The following CIB1 variants were observed in gnomAD, a reference collection of about 807,000 sequenced individuals.
CIB1 encodes the protein calcium and integrin binding 1.
A neutral mutation model predicts 25.0 loss-of-function variants in CIB1; 19 were observed. The ratio of observed to expected loss-of-function variants is 0.76; its 90% CI spans 0.53 to 1.12. The LOEUF (loss-of-function observed/expected upper bound fraction) is 1.12, where lower values mean the gene tolerates loss of function less well. Ranked by LOEUF, CIB1 falls within the 50% of genes most tolerant of loss-of-function variation. The pLI is 0.00. For synonymous variants in CIB1, 104 were observed against 98.5 expected (o/e 1.06, Z -0.33); for missense variants, 236 against 242.6 (o/e 0.97, Z 0.18).
chr15:90,258,483 G>C, the CIB1 span: 1 of 621,746 alleles, frequency 1.6e-6, no homozygotes, highest in Non-Finnish European at 2.8e-6. Flanking sequence ...TAGGAATGCA[G>C]GTTTGGGATC....
the CIB1 span, chr15:90,263,356 C>T: frequency 6.9e-4 from 367 of 531,522 alleles, 1 homozygote; most frequent in African/African-American, 6.6e-3. Flanking sequence ...TGACATCCAG[C>T]AAGTTGCAGC....
chr15:90,262,389 G>T, the CIB1 span: 1 of 1,299,448 alleles, frequency 7.7e-7, no homozygotes, highest in South Asian at 1.6e-5. Context: ...TCAGTCCTAA[G>T]AACAGATTGT....
At chr15:90,258,878 C>T in the CIB1 span, 20 of 1,613,996 alleles carry the variant, frequency 1.2e-5, no homozygotes, top group Non-Finnish European at 1.5e-5. Flanking sequence ...GGATAAGCGG[C>T]GAGTCAAGGA....
At chr15:90,241,488 C>A in the CIB1 span, 1 of 1,613,768 alleles carries the variant, frequency 6.2e-7, no homozygotes. Context: ...TGAGGCTGTG[C>A]TGCTGAGCTT....
the CIB1 span, chr15:90,242,128 C>T: frequency 1.5e-6 from 2 of 1,374,196 alleles, no homozygotes; most frequent in Non-Finnish European, 2.0e-6. Context: ...TCACTCTGTC[C>T]CCAGGCTAGA....
chr15:90,239,305 A>ATGTGTGTGTGTG, the CIB1 span, among the ~76,000 whole-genome samples: 5,926 of 147,886 alleles, frequency 0.04, 151 homozygotes, highest in African/African-American at 0.068. Flanking sequence ...GAGACATAAA[A>ATGTGTGTGTGTG]TGTGTGTGTG....
the CIB1 span, chr15:90,263,064 C>A: frequency 6.5e-7 from 1 of 1,536,124 alleles, no homozygotes; most frequent in Non-Finnish European, 8.7e-7. Flanking sequence ...AGACTCTCAT[C>A]CGAAGCCTGG....
At chr15:90,257,259 T>C in the CIB1 span, 15 of 1,613,086 alleles carry the variant, frequency 9.3e-6, no homozygotes, top group East Asian at 4.5e-5. Flanking sequence ...ACGCCCTATA[T>C]GGAGCCCAGC....
upstream of CIB1, chr15:90,234,162 G>A (rs944759352): frequency 2.9e-5 from 7 of 237,590 alleles, no homozygotes; most frequent in Non-Finnish European, 2.7e-5. Context: ...CCGCCTCCGG[G>A]GTGGGAGGGG....
At chr15:90,256,602 T>C in the CIB1 span, among the ~76,000 whole-genome samples, 105 of 29,120 alleles carry the variant, frequency 3.6e-3, 4 homozygotes, top group South Asian at 0.019. Context: ...TCTTTCTTTC[T>C]TTCTTTCCTT....
intron 2 of CIB1, 145 bp from the exon 3 acceptor site, chr15:90,232,472 A>G: frequency 7.4e-7 from 1 of 1,345,556 alleles, no homozygotes; most frequent in Non-Finnish European, 9.8e-7. Context: ...GGCAACGGTA[A>G]GCAAAAGGAC....
chr15:90,252,553 G>A, the CIB1 span, among the ~76,000 whole-genome samples: 1 of 152,070 alleles, frequency 6.6e-6, no homozygotes, highest in Non-Finnish European at 1.5e-5. Context: ...GGACTTCAAC[G>A]ATTAAGAAAA....
At chr15:90,231,755 G>GT (rs1055990785) in intron 3 of CIB1, among the ~76,000 whole-genome samples, 7 of 152,004 alleles carry the variant, frequency 4.6e-5, no homozygotes, top group Admixed American at 2.6e-4. Context: ...CACATACAAC[G>GT]TAAGTGTGGG....
the CIB1 span, chr15:90,264,831 C>G: frequency 1.3e-6 from 2 of 1,536,096 alleles, no homozygotes; most frequent in Non-Finnish European, 1.7e-6. Context: ...AGAGTGGCAT[C>G]TGACTCATGG....
chr15:90,258,386 T>A, the CIB1 span: 1 of 896,502 alleles, frequency 1.1e-6, no homozygotes, highest in Non-Finnish European at 1.8e-6. Flanking sequence ...GTGAAAGCCC[T>A]GGGGTGGGCA....
chr15:90,262,105 C>G, the CIB1 span: 5 of 1,536,094 alleles, frequency 3.3e-6, no homozygotes, highest in Non-Finnish European at 4.4e-6. Context: ...CTGGGCCTGA[C>G]ACAGAGAAGT....
chr15:90,256,629 CCTTCCTTCCTT>C, the CIB1 span, among the ~76,000 whole-genome samples: 253 of 69,278 alleles, frequency 3.7e-3, 4 homozygotes, highest in African/African-American at 0.013. Flanking sequence ...TTCCTTCCTT[CCTTCCTTCCTT>C]CTTTCTTTCT....
At position 90,230,258 on chromosome 15, in the gene CIB1, C is replaced by A. The variant is rs1305065995; in HGVS notation, c.*226G>T. ...TCATGTCACACATAGGGTCAAACTTCTAAACCTTTATTACTGATTAGTACA... is the reference window on the plus strand; with the variant it reads ...TCATGTCACACATAGGGTCAAACTTATAAACCTTTATTACTGATTAGTACA... On this transcript the variant is annotated 3_prime_UTR_variant, in exon 7 of 7. Transcript: ENST00000328649. The A allele has an allele frequency of 3.4e-6, 2 of 596,388 alleles. No individual in the cohort carries two copies. Among genetic ancestry groups the A allele is most frequent in the Admixed American group, 6.1e-5 (2 of 32,932 alleles). The allele number at this position is 596,388 out of a possible 1,614,324, so 36.9% of individuals were successfully genotyped here.
intron 2 of CIB1, chr15:90,232,546 A>T (rs1038726938): frequency 1.7e-6 from 1 of 580,970 alleles, no homozygotes; most frequent in African/African-American, 1.9e-5. Context: ...AGCATTTACT[A>T]TGTGCTTGGC....
Sources: gnomAD v4.1 joint callset for allele counts (sites outside exome capture counted in the v4.1 genomes callset) on GRCh38, gnomAD v4.1.1 for gene constraint, MANE v1.5 for transcripts, NCBI Gene and HGNC (gene_info 2026-07-23, HGNC 2026-07-21) for gene names.